Variants in CHST1 observed in about 807,000 individuals in gnomAD.
The protein encoded by CHST1 is carbohydrate sulfotransferase 1, also known as Keratan sulfotransferase.
A neutral mutation model predicts 22.5 loss-of-function variants in CHST1; 10 were observed. That is an observed-to-expected ratio of 0.44 (90% CI 0.27 to 0.75). The LOEUF (loss-of-function observed/expected upper bound fraction) is 0.75, where lower values mean the gene tolerates loss of function less well. Ranked by LOEUF, CHST1 falls within the 30% of genes least tolerant of loss-of-function variation. The pLI is 0.15. For missense variants in CHST1, 439 were observed against 576.1 expected (o/e 0.76, Z 2.44); for synonymous variants, 267 against 264.5 (o/e 1.01, Z -0.09).
At position 45,650,308 on chromosome 11, in the gene CHST1, T is replaced by C; in HGVS notation, c.616A>G (p.Lys206Glu). 1 of 1,604,266 alleles carries C rather than the reference T, an allele frequency of 6.2e-7. No individual in the cohort carries two copies. Residue 206 changes from lysine (K) to glutamate (E), a missense_variant, in exon 4 of 4, where the codon AAG becomes GAG. Transcript: ENST00000308064. ...ACRERSHVAI[K>E]TVRVPEVNDL... ...TTCACCTCGGGCACGCGCACCGTCT[T>C]GATGGCCACGTGGCTGCGCTCGCGG...
chr11:45,662,439 G>GA (rs1428004752), intron 1 of CHST1, among the ~76,000 whole-genome samples: 3 of 152,266 alleles, frequency 2.0e-5, no homozygotes, highest in East Asian at 1.9e-4. Context: ...ATGCTCCGTA[G>GA]AAAAAAATGG....
Position 45,650,066 on chromosome 11 carries a change from G to A in CHST1, c.858C>T (p.Gly286=). ...CCTTGAGCCACGGGGGCCGCATGAG[G>A]CCGGTGGACACGGAGTTGGAGAAGT... is the stretch of plus-strand genomic sequence containing the variant. ...CEDFSNSVST[G]LMRPPWLKGK... is the part of the protein sequence containing the mutation. The change falls in exon 4 of 4, where the codon GGC becomes GGT. Residue 286 remains glycine, a synonymous_variant. Coordinates refer to ENST00000308064, the MANE Select transcript of CHST1 (RefSeq NM_003654.6). The A allele has an allele frequency of 2.5e-6, 4 of 1,614,154 alleles. 1 individual carries two copies. In the South Asian group the frequency reaches 4.4e-5, roughly 18 times the overall value.
At position 45,649,519 on chromosome 11, in the gene CHST1, G is replaced by A. The variant is rs1043465895; in HGVS notation, c.*169C>T. 11 of 723,290 alleles carry A rather than the reference G, an allele frequency of 1.5e-5. No homozygotes were observed. Among genetic ancestry groups the A allele is most frequent in the Admixed American group, 5.8e-5 (2 of 34,382 alleles). 44.8% of individuals were successfully genotyped at this position (723,290 alleles called of 1,614,324 possible). On this transcript the variant is annotated 3_prime_UTR_variant, in exon 4 of 4. Transcript: ENST00000308064. Reference sequence around the variant, plus strand: ...CAGTGATTCCCGTCCAAGACGTAGTGCAAATTTCAGAGACAAAAAAGGGGC... The same window carrying A: ...CAGTGATTCCCGTCCAAGACGTAGTACAAATTTCAGAGACAAAAAAGGGGC...
intron 1 of CHST1, among the ~76,000 whole-genome samples, chr11:45,658,604 T>C (rs994924945): frequency 6.6e-6 from 1 of 151,768 alleles, no homozygotes; most frequent in Non-Finnish European, 1.5e-5. Flanking sequence ...GGGAAAGTTT[T>C]CCCCAGCAGT....
rs2120311582 is a variant in CHST1, at chr11:45,649,180, C to T, written c.*508G>A. On this transcript the variant is annotated 3_prime_UTR_variant, in exon 4 of 4. Transcript: ENST00000308064. ...CGGGCAGGAGGGGGCAGTTTCGCTG[C>T]TCTAAGGGGGGAAATGGGCGTCAGG... is the stretch of plus-strand genomic sequence containing the variant. 6.5e-6 allele frequency: 1 copy of T among 154,170 alleles called. No individual in the cohort carries two copies. Among genetic ancestry groups the T allele is most frequent in the East Asian group, 1.9e-4 (1 of 5,192 alleles). The allele number at this position is 154,170 out of a possible 1,614,324, so 9.6% of individuals were successfully genotyped here.
rs1590688753 is a variant in CHST1, at chr11:45,652,003, C to G, written c.-53G>C. The G allele has an allele frequency of 6.6e-6, 1 of 152,266 alleles. No homozygotes were observed. Among genetic ancestry groups the G allele is most frequent in the African/African-American group, 2.4e-5 (1 of 41,444 alleles). The allele number at this position is 152,266 out of a possible 1,614,324, so 9.4% of individuals were successfully genotyped here. Reference sequence around the variant, plus strand: ...GGTTCAACCACTTACCAAAGAGGGACTGCTCCAAGCTGGGGAGTCCACAGC... The same window carrying G: ...GGTTCAACCACTTACCAAAGAGGGAGTGCTCCAAGCTGGGGAGTCCACAGC... On this transcript the variant is annotated 5_prime_UTR_variant, in exon 3 of 4. Coordinates refer to ENST00000308064, the MANE Select transcript of CHST1 (RefSeq NM_003654.6).
chr11:45,654,882 A>T (rs539889214), intron 1 of CHST1, among the ~76,000 whole-genome samples: 1 of 152,318 alleles, frequency 6.6e-6, no homozygotes, highest in Admixed American at 6.5e-5. Context: ...TAATTCACAG[A>T]GCTCACCCCC....
At chr11:45,653,376 G>A (rs1017058662) in intron 1 of CHST1, among the ~76,000 whole-genome samples, 1 of 152,140 alleles carries the variant, frequency 6.6e-6, no homozygotes, top group African/African-American at 2.4e-5. Flanking sequence ...GCAGTTTAGA[G>A]TCTTAGGAAC....
intron 1 of CHST1, among the ~76,000 whole-genome samples, chr11:45,658,239 T>C (rs934938979): frequency 2.6e-5 from 4 of 152,162 alleles, no homozygotes; most frequent in African/African-American, 7.2e-5. Context: ...CTTGTCCTTA[T>C]GTAGGAAATG....
At position 45,665,485 on chromosome 11, in the gene CHST1, AC is replaced by A. The variant is rs1362341961; in HGVS notation, c.-535del. The A allele has an allele frequency of 6.6e-6, 1 of 151,230 alleles. No homozygotes were observed. The highest frequency in any genetic ancestry group is 1.5e-5 in the Non-Finnish European group (1 of 67,770). The allele number at this position is 151,230 out of a possible 1,614,324, so 9.4% of individuals were successfully genotyped here. ...GCTCAGGGACCCGAGAGATGCCGGGACAGGGGCCGGGACCCGGAGCGCCGCA... is the reference window on the plus strand; with the variant it reads ...GCTCAGGGACCCGAGAGATGCCGGGAAGGGGCCGGGACCCGGAGCGCCGCA... On this transcript the variant is annotated 5_prime_UTR_variant, in exon 1 of 4. Coordinates refer to ENST00000308064, the MANE Select transcript of CHST1 (RefSeq NM_003654.6). This position sits in a 1 kb window ranked among gnomAD's most constrained non-coding sequence, Gnocchi z 4.0.
intron 1 of CHST1, among the ~76,000 whole-genome samples, chr11:45,653,780 G>A (rs1852028040): frequency 6.6e-6 from 1 of 152,170 alleles, no homozygotes; most frequent in South Asian, 2.1e-4. Context: ...TAACACCAAG[G>A]AAGGCAAGCA....
intron 1 of CHST1, among the ~76,000 whole-genome samples, chr11:45,656,550 G>C (rs557242360): frequency 6.6e-6 from 1 of 152,082 alleles, no homozygotes; most frequent in Non-Finnish European, 1.5e-5. Flanking sequence ...AGGGGGCCTC[G>C]AGGAGACTAG....
At chr11:45,664,963 G>A (rs1172513160) in intron 1 of CHST1, among the ~76,000 whole-genome samples, 1 of 152,110 alleles carries the variant, frequency 6.6e-6, no homozygotes, top group East Asian at 1.9e-4. Context: ...AGGGAGGGCT[G>A]AGGTGATCGC....
chr11:45,659,944 C>G (rs1852108739), intron 1 of CHST1, among the ~76,000 whole-genome samples: 1 of 152,190 alleles, frequency 6.6e-6, no homozygotes, highest in South Asian at 2.1e-4. Context: ...GCCCCTGGGC[C>G]AGGATGCCAG....
chr11:45,663,234 T>G (rs967442834), intron 1 of CHST1, among the ~76,000 whole-genome samples: 10 of 152,080 alleles, frequency 6.6e-5, no homozygotes, highest in African/African-American at 2.2e-4. Context: ...ACCTGGCACT[T>G]GAGCCCCTCC....
Position 45,649,934 on chromosome 11 carries a change from G to C in CHST1, c.990C>G (p.Arg330=). The part of the protein sequence containing the change: ...LGIPLDSHVA[R]WIQNNTRGDP... Reference sequence around the variant, plus strand: ...CGCCCCGCGTGTTGTTCTGGATCCAGCGGGCCACGTGGCTGTCCAGCGGGA... The same window carrying C: ...CGCCCCGCGTGTTGTTCTGGATCCACCGGGCCACGTGGCTGTCCAGCGGGA... Residue 330 remains arginine, a synonymous_variant, in exon 4 of 4, where the codon CGC becomes CGG. Coordinates refer to ENST00000308064, the MANE Select transcript of CHST1 (RefSeq NM_003654.6). 1 of 1,613,158 alleles carries C rather than the reference G, an allele frequency of 6.2e-7. No individual in the cohort carries two copies. The highest frequency in any genetic ancestry group is 8.5e-7 in the Non-Finnish European group (1 of 1,180,028).
intron 1 of CHST1, among the ~76,000 whole-genome samples, chr11:45,659,117 A>T (rs552922086): frequency 1.1e-4 from 16 of 152,278 alleles, no homozygotes; most frequent in African/African-American, 3.1e-4. Context: ...CTCAGAGATG[A>T]TCACAGACCT....
intron 1 of CHST1, among the ~76,000 whole-genome samples, chr11:45,659,470 C>A (rs899634334): frequency 6.6e-6 from 1 of 152,140 alleles, no homozygotes; most frequent in Non-Finnish European, 1.5e-5. Flanking sequence ...TACTGGCCAT[C>A]CCCCAGGGTC....
chr11:45,650,516 C>A lies in CHST1; in HGVS notation c.408G>T (p.Glu136Asp), dbSNP rs766786136. The change falls in exon 4 of 4, where the codon GAG (glutamate) becomes GAT (aspartate). Residue 136 changes from glutamate (E) to aspartate (D), a missense_variant. Physicochemically the swap from Glu to Asp is conservative, Grantham distance 45. Coordinates refer to ENST00000308064, the MANE Select transcript of CHST1 (RefSeq NM_003654.6). Reference sequence around the variant, plus strand: ...TGACCGGCGGCGGCTTGATGTAGTTCTCCAGGAAGTAGAGGTCGCAGTCGT... The same window carrying A: ...TGACCGGCGGCGGCTTGATGTAGTTATCCAGGAAGTAGAGGTCGCAGTCGT... ...SLYDCDLYFL[E>D]NYIKPPPVNH... 2 of 1,613,892 alleles carry A rather than the reference C, an allele frequency of 1.2e-6. No homozygotes were observed. The highest frequency in any genetic ancestry group is 1.7e-6 in the Non-Finnish European group (2 of 1,179,962).
Sources: gnomAD v4.1 joint callset for allele counts (sites outside exome capture counted in the v4.1 genomes callset) on GRCh38, gnomAD v4.1.1 for gene constraint, Gnocchi (gnomAD v3.1) non-coding constraint, MANE v1.5 for transcripts, NCBI Gene and HGNC (gene_info 2026-07-23, HGNC 2026-07-21) for gene names.